The following TDRD5 variants were observed in gnomAD, a reference collection of about 807,000 sequenced individuals.
TDRD5 encodes the protein tudor domain containing 5.
In TDRD5, 41 loss-of-function variants were observed where a neutral mutation model predicts 120.6. That is an observed-to-expected ratio of 0.34 (90% CI 0.26 to 0.44). TDRD5 has a LOEUF of 0.44. TDRD5 is among the 20% of genes least tolerant of loss of function. The pLI, the probability that TDRD5 is intolerant of heterozygous loss-of-function variation, is 1.00. For synonymous variants in TDRD5, 430 were observed against 433.7 expected, an observed-to-expected ratio of 0.99 and a Z score of 0.11; for missense variants, 1,006 against 1,221.2, an observed-to-expected ratio of 0.82 and a Z score of 2.63.
intron 3 of TDRD5, among the ~76,000 whole-genome samples, 168 bp downstream of exon 3, chr1:179,594,035 A>G (rs1315939960): frequency 6.6e-6 from 1 of 152,202 alleles, no homozygotes; most frequent in Non-Finnish European, 1.5e-5. Context: ...CATCTTTAAA[A>G]TAGAAATAAC....
At position 179,635,780 on chromosome 1, in the gene TDRD5, C is replaced by G. The variant is rs1558395609; in HGVS notation, c.1413C>G (p.Ser471=). 1.9e-6 allele frequency: 3 copies of G among 1,614,024 alleles called. No individual in the cohort carries two copies. The highest frequency in any genetic ancestry group is 3.3e-4 in the Middle Eastern group (2 of 6,062). ...GACTCCCACCATTAGACACCAGTTC[C>G]CTCATAGGGGTCTTTGTGGAGTATA... ...LCRLPPLDTS[S]LIGVFVEYII... The change falls in exon 9 of 18, where the codon TCC becomes TCG. Residue 471 remains serine (S), a synonymous_variant. Coordinates refer to ENST00000444136, the MANE Select transcript of TDRD5 (RefSeq NM_001199085.3).
In TDRD5 at chr1:179,635,725, C is replaced by CA; in HGVS notation, c.1359dup (p.Asp454ArgfsTer31). 6.2e-7 allele frequency: 1 copy of CA among 1,614,074 alleles called. No individual in the cohort carries two copies. Among genetic ancestry groups the CA allele is most frequent in the Non-Finnish European group, 8.5e-7 (1 of 1,179,996 alleles). Reference sequence around the variant, plus strand: ...GCAATGGCAAATCATGACATCCCGCCAGACGCTGTGCCGAACAAGAAATTA... The same window carrying CA: ...GCAATGGCAAATCATGACATCCCGCCAAGACGCTGTGCCGAACAAGAAATTA... On this transcript the variant is annotated frameshift_variant, in exon 9 of 18. Coordinates refer to ENST00000444136, the MANE Select transcript of TDRD5 (RefSeq NM_001199085.3). LOFTEE classifies it high-confidence loss of function.
chr1:179,654,845 A>G (rs902856463), intron 14 of TDRD5, among the ~76,000 whole-genome samples: 5 of 151,914 alleles, frequency 3.3e-5, no homozygotes, highest in Admixed American at 1.3e-4. Flanking sequence ...AACCTTGATC[A>G]TAAAAAAAGG....
At chr1:179,666,437 A>T (rs575569989) in intron 16 of TDRD5, among the ~76,000 whole-genome samples, 5 of 152,336 alleles carry the variant, frequency 3.3e-5, no homozygotes, top group Admixed American at 6.5e-5. Context: ...CCATGTTGCT[A>T]AATTAGGTTG....
In TDRD5 at chr1:179,603,824, C is replaced by T. The variant is rs142079511; in HGVS notation, c.831+8006C>T. On this transcript the variant is annotated intron_variant, in intron 4 of 17. Coordinates refer to ENST00000444136, the MANE Select transcript of TDRD5 (RefSeq NM_001199085.3). ...TAGCATCTATGTTTATCAGGGATAT[C>T]GATCTGTAGTTTTCTTTTTTTGTTA... Among the ~76,000 whole-genome samples, 7 of 152,002 alleles carry T rather than the reference C, an allele frequency of 4.6e-5. No individual in the cohort carries two copies. The South Asian group carries it at 1.0e-3, about 23-fold the overall frequency.
intron 4 of TDRD5, among the ~76,000 whole-genome samples, chr1:179,617,859 T>C (rs1190817904): frequency 6.6e-6 from 1 of 152,192 alleles, no homozygotes; most frequent in Non-Finnish European, 1.5e-5. Context: ...TTCTCTCTAC[T>C]AAAATCCTCA....
intron 4 of TDRD5, among the ~76,000 whole-genome samples, chr1:179,600,746 A>G (rs1056075488): frequency 2.0e-5 from 3 of 152,136 alleles, no homozygotes; most frequent in Admixed American, 6.5e-5. Context: ...TAATGTAAAC[A>G]TTTAAGGTTA....
chr1:179,616,655 T>C (rs1400570967), intron 4 of TDRD5, among the ~76,000 whole-genome samples: 2 of 152,190 alleles, frequency 1.3e-5, no homozygotes, highest in Non-Finnish European at 2.9e-5. Flanking sequence ...TAGTTTTTCT[T>C]TCACTATTTC....
At chr1:179,661,968 GA>G in intron 14 of TDRD5, 135 bp from the exon 15 acceptor site, 2 of 770,282 alleles carry the variant, frequency 2.6e-6, no homozygotes, top group Non-Finnish European at 3.8e-6. Context: ...TGGCATTTCA[GA>G]AGGGAAATTA....
At chr1:179,606,797 A>G (rs946583094) in intron 4 of TDRD5, among the ~76,000 whole-genome samples, 1 of 152,022 alleles carries the variant, frequency 6.6e-6, no homozygotes, top group African/African-American at 2.4e-5. Context: ...AGTCTGTTCC[A>G]CTGGTCTATT....
At chr1:179,654,807 G>A (rs1678914913) in intron 14 of TDRD5, among the ~76,000 whole-genome samples, 1 of 151,986 alleles carries the variant, frequency 6.6e-6, no homozygotes, top group Non-Finnish European at 1.5e-5. Flanking sequence ...TGTGTTCATA[G>A]TAACCAAGAC....
intron 4 of TDRD5, among the ~76,000 whole-genome samples, chr1:179,596,090 C>T (rs1317289045): frequency 6.6e-6 from 1 of 152,144 alleles, no homozygotes; most frequent in Non-Finnish European, 1.5e-5. Flanking sequence ...AGTTCCTCAC[C>T]AAAGTTACAG....
chr1:179,594,997 G>T (rs1675311621), intron 3 of TDRD5, among the ~76,000 whole-genome samples: 1 of 151,860 alleles, frequency 6.6e-6, no homozygotes, highest in South Asian at 2.1e-4. Flanking sequence ...TCCATCCATG[G>T]TTCCTACTTC....
intron 17 of TDRD5, among the ~76,000 whole-genome samples, chr1:179,686,977 T>C (rs914308668): frequency 3.8e-4 from 58 of 152,328 alleles, no homozygotes; most frequent in African/African-American, 1.3e-3. Flanking sequence ...CCTTTGTTAA[T>C]CTTTTCAAAA....
chr1:179,648,813 T>G (rs1678553008), intron 11 of TDRD5, among the ~76,000 whole-genome samples: 1 of 152,152 alleles, frequency 6.6e-6, no homozygotes, highest in South Asian at 2.1e-4. Context: ...CAATTTAGAT[T>G]ACAAGTTTCT....
At chr1:179,655,824 A>G (rs1350315749) in intron 14 of TDRD5, among the ~76,000 whole-genome samples, 2 of 152,240 alleles carry the variant, frequency 1.3e-5, no homozygotes, top group Non-Finnish European at 2.9e-5. Flanking sequence ...AGTATTTTAT[A>G]GGATAAATAC....
At chr1:179,665,161 C>A (rs1358822716) in intron 16 of TDRD5, among the ~76,000 whole-genome samples, 1 of 152,022 alleles carries the variant, frequency 6.6e-6, no homozygotes, top group Admixed American at 6.6e-5. Context: ...TATTACAAGT[C>A]CCTTATGAGA....
At chr1:179,591,684 C>T (rs1050553604), upstream of TDRD5, 1 of 152,320 alleles carries the variant, frequency 6.6e-6, no homozygotes, top group Non-Finnish European at 1.5e-5. Context: ...CCTCTGCAGC[C>T]GGGCCCAGCG....
rs1460871851 is a variant in TDRD5, at chr1:179,592,787, T to TTGGA, written c.173_176dup (p.Met60GlyfsTer4). 6.2e-7 allele frequency: 1 copy of TTGGA among 1,614,204 alleles called. No individual in the cohort carries two copies. Among genetic ancestry groups the TTGGA allele is most frequent in the African/African-American group, 1.3e-5 (1 of 75,044 alleles). On this transcript the variant is annotated frameshift_variant, in exon 2 of 18. Transcript: ENST00000444136. LOFTEE classifies it high-confidence loss of function. ...GTATCGGTCCACTATGGAGCTGGTA[T>TTGGA]TGGACATGCCTGATGTTGTTCGTGT...
Sources: gnomAD v4.1 joint callset for allele counts (sites outside exome capture counted in the v4.1 genomes callset) on GRCh38, gnomAD v4.1.1 for gene constraint, MANE v1.5 for transcripts, NCBI Gene and HGNC (gene_info 2026-07-23, HGNC 2026-07-21) for gene names.